WWTR1: variants seen among roughly 807,000 people sequenced by gnomAD.
WWTR1 encodes WW domain-containing transcription regulator protein 1.
A neutral mutation model predicts 40.1 loss-of-function variants in WWTR1; 13 were observed. The ratio of observed to expected loss-of-function variants is 0.32; its 90% CI spans 0.21 to 0.52. The LOEUF is 0.52. Ranked by LOEUF, WWTR1 falls within the 20% of genes least tolerant of loss-of-function variation. WWTR1 has a pLI of 0.97. For missense variants in WWTR1, 436 were observed against 523.1 expected, an observed-to-expected ratio of 0.83 and a Z score of 1.63; for synonymous variants, 230 against 210.1, an observed-to-expected ratio of 1.09 and a Z score of -0.82.
intron 2 of WWTR1, among the ~76,000 whole-genome samples, chr3:149,635,890 C>G (rs766552458): frequency 1.3e-5 from 2 of 151,992 alleles, no homozygotes; most frequent in Non-Finnish European, 2.9e-5. Flanking sequence ...TAAAGTAAAC[C>G]TGGTTTATAA....
At chr3:149,594,793 A>G (rs897637021) in intron 2 of WWTR1, among the ~76,000 whole-genome samples, 8 of 151,930 alleles carry the variant, frequency 5.3e-5, no homozygotes, top group Admixed American at 2.6e-4. Context: ...GGGGAATTTG[A>G]ATAAGGGCTA....
chr3:149,594,949 A>ATT (rs1738915213), intron 2 of WWTR1, among the ~76,000 whole-genome samples: 5 of 52,960 alleles, frequency 9.4e-5, no homozygotes, highest in African/African-American at 1.7e-4. Context: ...CCTCTTTTTT[A>ATT]CTTTTTTTTT....
intron 5 of WWTR1, among the ~76,000 whole-genome samples, chr3:149,709,623 G>A (rs1441284521): frequency 1.3e-5 from 2 of 151,758 alleles, no homozygotes; most frequent in Non-Finnish European, 2.9e-5. Context: ...CTAAGGACTC[G>A]GCCAGGAGCG....
intron 4 of WWTR1, among the ~76,000 whole-genome samples, chr3:149,534,250 C>A (rs1735723857): frequency 6.6e-6 from 1 of 152,094 alleles, no homozygotes. Context: ...CAATTGTCTC[C>A]ATTTTACAGA....
intron 4 of WWTR1, among the ~76,000 whole-genome samples, chr3:149,532,737 T>G (rs925807976): frequency 2.0e-5 from 3 of 152,154 alleles, no homozygotes; most frequent in Non-Finnish European, 4.4e-5. Flanking sequence ...GGTATAAAAT[T>G]AAAGCCCAGA....
chr3:149,684,189 A>G (rs1401479299), intron 1 of WWTR1, among the ~76,000 whole-genome samples: 1 of 152,006 alleles, frequency 6.6e-6, no homozygotes, highest in African/African-American at 2.4e-5. Context: ...ATATATATAT[A>G]TATAATCACA....
intron 2 of WWTR1, among the ~76,000 whole-genome samples, chr3:149,619,871 T>C (rs1468832280): frequency 1.3e-5 from 2 of 152,176 alleles, no homozygotes; most frequent in Admixed American, 1.3e-4. Context: ...GATCATATTA[T>C]ATCAATGGTC....
upstream of WWTR1, among the ~76,000 whole-genome samples, chr3:149,662,528 T>C (rs1713631569): frequency 6.6e-6 from 1 of 152,198 alleles, no homozygotes; most frequent in Non-Finnish European, 1.5e-5. Context: ...CGGCAAATGC[T>C]ATTGATTCTT....
At position 149,527,912 on chromosome 3, in the gene WWTR1, C is replaced by A. The variant is rs149464192; in HGVS notation, c.829G>T (p.Ala277Ser). The A allele has an allele frequency of 2.5e-6, 4 of 1,613,942 alleles. No individual in the cohort carries two copies. The highest frequency in any genetic ancestry group is 2.7e-5 in the African/African-American group (2 of 74,906). The change falls in exon 5 of 7, where the codon GCT becomes TCT. Residue 277 changes from alanine to serine, a missense_variant. Ala to Ser is a moderately conservative substitution (Grantham distance 99). Transcript: ENST00000360632. ...GTCATCGTGGGTGGGTTGACAGCAG[C>A]CTGAACTGGGGCAAGAGTCTCAGCT... ...MEAETLAPVQ[A>S]AVNPPTMTPD...
At chr3:149,568,303 T>C (rs1486585386) in intron 3 of WWTR1, among the ~76,000 whole-genome samples, 1 of 146,732 alleles carries the variant, frequency 6.8e-6, no homozygotes, top group African/African-American at 2.7e-5. Flanking sequence ...GGATAATTGC[T>C]TGAACCTGGG....
intron 2 of WWTR1, among the ~76,000 whole-genome samples, chr3:149,606,126 C>T (rs1210902071): frequency 2.0e-5 from 3 of 152,172 alleles, no homozygotes; most frequent in Non-Finnish European, 2.9e-5. Flanking sequence ...TCATAAGACA[C>T]CACATCTGCT....
chr3:149,614,698 T>G (rs1372618572), intron 2 of WWTR1, among the ~76,000 whole-genome samples: 1 of 152,136 alleles, frequency 6.6e-6, no homozygotes, highest in Non-Finnish European at 1.5e-5. Flanking sequence ...GAACGATAGC[T>G]TAGGGTGAGC....
intron 2 of WWTR1, among the ~76,000 whole-genome samples, chr3:149,616,196 A>G (rs1005777086): frequency 2.6e-5 from 4 of 152,160 alleles, no homozygotes; most frequent in African/African-American, 9.7e-5. Context: ...CGCAGACTCA[A>G]TTCTCAAATT....
intron 1 of WWTR1, among the ~76,000 whole-genome samples, chr3:149,672,442 C>A (rs1389106373): frequency 2.0e-5 from 3 of 152,100 alleles, no homozygotes; most frequent in African/African-American, 4.8e-5. Flanking sequence ...ACCTACGTAC[C>A]CGAAGGAGGG....
chr3:149,543,597 A>AAAAAAAAAAAAG (rs1736234823), intron 3 of WWTR1, among the ~76,000 whole-genome samples: 4 of 146,542 alleles, frequency 2.7e-5, no homozygotes, highest in Admixed American at 6.8e-5. Context: ...AAAAAAAAAA[A>AAAAAAAAAAAAG]AAAAAAGAAC....
At chr3:149,607,485 T>C (rs989531595) in intron 2 of WWTR1, among the ~76,000 whole-genome samples, 1 of 152,106 alleles carries the variant, frequency 6.6e-6, no homozygotes, top group African/African-American at 2.4e-5. Context: ...CGGGTAAATT[T>C]TTGTATTTTT....
intron 4 of WWTR1, among the ~76,000 whole-genome samples, chr3:149,532,450 A>G (rs1484113635): frequency 6.6e-6 from 1 of 152,212 alleles, no homozygotes; most frequent in Non-Finnish European, 1.5e-5. Flanking sequence ...AAACAAGGAG[A>G]GGTTTATAAA....
chr3:149,644,571 C>T (rs984919040), intron 2 of WWTR1, among the ~76,000 whole-genome samples: 2 of 152,208 alleles, frequency 1.3e-5, no homozygotes, highest in Non-Finnish European at 2.9e-5. Context: ...TCCCATCAGG[C>T]ATTGCATCCA....
intron 3 of WWTR1, among the ~76,000 whole-genome samples, chr3:149,724,447 T>C (rs1715825968): frequency 6.6e-6 from 1 of 151,388 alleles, no homozygotes; most frequent in African/African-American, 2.4e-5. Context: ...CTCTTTTTAA[T>C]ATTCCTAACT....
Sources: allele counts gnomAD v4.1 joint callset (sites outside exome capture counted in the v4.1 genomes callset), GRCh38; gene constraint gnomAD v4.1.1; transcripts MANE v1.5; gene names NCBI Gene and HGNC (gene_info 2026-07-23, HGNC 2026-07-21).